The following SLC22A3 variants were observed in gnomAD, a reference collection of about 807,000 sequenced individuals.
SLC22A3 encodes the protein EMT organic cation transporter 3.
A neutral mutation model predicts 59.1 loss-of-function variants in SLC22A3; 51 were observed. That is an observed-to-expected ratio of 0.86 (90% confidence interval 0.69 to 1.09). The LOEUF is 1.09. Among genes scored for constraint, SLC22A3 ranks in the 50% least tolerant of loss-of-function variants. SLC22A3 has a pLI of 0.00. For missense variants in SLC22A3, 711 were observed against 726.3 expected (o/e 0.98, Z 0.24); for synonymous variants, 325 against 292.0 (o/e 1.11, Z -1.15).
intron 1 of SLC22A3, among the ~76,000 whole-genome samples, chr6:160,388,886 A>G (rs2457551): frequency 1 from 151,769 of 152,368 alleles, 75,586 homozygotes; most frequent in Middle Eastern, 1. Context: ...ACAGAGAAAG[A>G]ATTACCCCAA....
intron 5 of SLC22A3, chr6:160,426,333 G>T: frequency 1.0e-6 from 1 of 985,348 alleles, no homozygotes; most frequent in Non-Finnish European, 1.2e-6. Flanking sequence ...TTGTGGTTTT[G>T]GTTCTTGTTT....
chr6:160,451,663 A>AC lies in SLC22A3; in HGVS notation c.*609dup, dbSNP rs1254244391. On this transcript the variant is annotated 3_prime_UTR_variant, in exon 11 of 11. Transcript: ENST00000275300. ...AACAGGTCAGGAGTCCCTCCCGTCC[A>AC]CCTCCTCTGTAACAGCTGGGGTTCC... The AC allele has an allele frequency of 1.3e-5, 2 of 152,880 alleles. No individual in the cohort carries two copies. The highest frequency in any genetic ancestry group is 4.8e-5 in the African/African-American group (2 of 41,374). 9.5% of individuals were successfully genotyped at this position (152,880 alleles called of 1,614,324 possible). A position where few individuals can be genotyped will look rare whatever the true frequency, so the allele number is the denominator to read the frequency against.
intron 5 of SLC22A3, among the ~76,000 whole-genome samples, chr6:160,412,070 TG>T (rs1392215899): frequency 6.6e-6 from 1 of 152,092 alleles, no homozygotes; most frequent in Non-Finnish European, 1.5e-5. Flanking sequence ...TGATAAGAAC[TG>T]GGTTTTGGGG....
At chr6:160,354,056 C>T (rs1049739211) in intron 1 of SLC22A3, among the ~76,000 whole-genome samples, 1 of 152,120 alleles carries the variant, frequency 6.6e-6, no homozygotes, top group Non-Finnish European at 1.5e-5. Flanking sequence ...ACAGCTGAAC[C>T]ACACTTTCTG....
At chr6:160,364,006 C>T (rs1312962190) in intron 1 of SLC22A3, among the ~76,000 whole-genome samples, 1 of 151,800 alleles carries the variant, frequency 6.6e-6, no homozygotes, top group Non-Finnish European at 1.5e-5. Context: ...CTAACTGACC[C>T]ACAAGTAGAA....
At position 160,451,120 on chromosome 6, in the gene SLC22A3, C is replaced by A; in HGVS notation, c.*64C>A. 1 of 1,437,466 alleles carries A rather than the reference C, an allele frequency of 7.0e-7. No homozygotes were observed. Among genetic ancestry groups the A allele is most frequent in the Non-Finnish European group, 9.6e-7 (1 of 1,037,624 alleles). 89.0% of individuals were successfully genotyped at this position (1,437,466 alleles called of 1,614,324 possible). A position where few individuals can be genotyped will look rare whatever the true frequency, so the allele number is the denominator to read the frequency against. ...GCTGATCCTCCTTGCAAAGCTGTGC[C>A]TTGCAGAGATGCACGTGTGCATTTC... On this transcript the variant is annotated 3_prime_UTR_variant, in exon 11 of 11. Coordinates refer to ENST00000275300, the MANE Select transcript of SLC22A3 (RefSeq NM_021977.4).
At chr6:160,445,924 G>A (rs939315362) in intron 9 of SLC22A3, among the ~76,000 whole-genome samples, 15 of 152,346 alleles carry the variant, frequency 9.8e-5, no homozygotes, top group Middle Eastern at 6.8e-3. Flanking sequence ...GGAGGGAAGA[G>A]TGGCCTTGGG....
chr6:160,397,732 C>CAAAAAAAAA (rs201152865), intron 1 of SLC22A3, among the ~76,000 whole-genome samples: 1 of 88,194 alleles, frequency 1.1e-5, no homozygotes. Context: ...GACTCCATCT[C>CAAAAAAAAA]AAAAAAAAAA....
intron 1 of SLC22A3, among the ~76,000 whole-genome samples, chr6:160,394,306 T>C (rs1462726938): frequency 6.6e-6 from 1 of 152,252 alleles, no homozygotes; most frequent in Non-Finnish European, 1.5e-5. Context: ...AACAAGCTTT[T>C]AGTACTTTAT....
chr6:160,350,242 G>A (rs928533480), intron 1 of SLC22A3, among the ~76,000 whole-genome samples: 3 of 151,880 alleles, frequency 2.0e-5, no homozygotes, highest in African/African-American at 7.3e-5. Context: ...GCCAGGCAAT[G>A]TGTATGTGTG....
At chr6:160,450,762 T>C (rs187126061) in intron 10 of SLC22A3, among the ~76,000 whole-genome samples, 8 of 152,310 alleles carry the variant, frequency 5.3e-5, no homozygotes, top group Non-Finnish European at 1.0e-4. Context: ...TTTATATTCC[T>C]CTGCTGTGGC....
chr6:160,350,594 G>A (rs758312191), intron 1 of SLC22A3, among the ~76,000 whole-genome samples: 3 of 152,178 alleles, frequency 2.0e-5, no homozygotes, highest in Non-Finnish European at 4.4e-5. Flanking sequence ...ATGGAGGGCA[G>A]ACAGCTGATT....
intron 3 of SLC22A3, among the ~76,000 whole-genome samples, chr6:160,408,257 G>T (rs567608740): frequency 1.6e-4 from 24 of 152,284 alleles, no homozygotes; most frequent in African/African-American, 5.8e-4. Flanking sequence ...ACACTGTGGA[G>T]AGAATTATCA....
intron 10 of SLC22A3, among the ~76,000 whole-genome samples, chr6:160,450,441 C>G (rs1412474934): frequency 6.6e-6 from 1 of 152,128 alleles, no homozygotes; most frequent in East Asian, 1.9e-4. Context: ...TTACTCTGTT[C>G]TATTTCAAGG....
intron 5 of SLC22A3, among the ~76,000 whole-genome samples, chr6:160,426,852 C>A (rs915039193): frequency 3.3e-5 from 5 of 152,170 alleles, no homozygotes; most frequent in Non-Finnish European, 5.9e-5. Flanking sequence ...TCCTGGTGTG[C>A]AGGCAAGCTT....
chr6:160,439,267 G>A (rs780426517), intron 7 of SLC22A3, among the ~76,000 whole-genome samples: 49 of 152,070 alleles, frequency 3.2e-4, no homozygotes, highest in Admixed American at 1.2e-3. Context: ...TTTTACTTTG[G>A]TACTTTGGAT....
At chr6:160,376,384 G>A (rs558816476) in intron 1 of SLC22A3, among the ~76,000 whole-genome samples, 2 of 152,134 alleles carry the variant, frequency 1.3e-5, no homozygotes, top group South Asian at 4.2e-4. Context: ...GTGAGGGGAG[G>A]GCGAACACCA....
intron 1 of SLC22A3, among the ~76,000 whole-genome samples, chr6:160,370,106 T>G (rs1785347452): frequency 6.6e-6 from 1 of 152,208 alleles, no homozygotes; most frequent in Admixed American, 6.5e-5. Flanking sequence ...GCCCCACAGG[T>G]GTGTTCTATA....
chr6:160,411,592 A>C (rs936612558), intron 5 of SLC22A3, among the ~76,000 whole-genome samples: 1 of 151,970 alleles, frequency 6.6e-6, no homozygotes, highest in Non-Finnish European at 1.5e-5. Context: ...AGTTTTAAAA[A>C]CTATGTGGGC....
Sources: gnomAD v4.1 joint callset for allele counts (sites outside exome capture counted in the v4.1 genomes callset) on GRCh38, gnomAD v4.1.1 for gene constraint, MANE v1.5 for transcripts, NCBI Gene and HGNC (gene_info 2026-07-23, HGNC 2026-07-21) for gene names.